BACE2: variants seen among roughly 807,000 people sequenced by gnomAD.
The protein encoded by BACE2 is 56 kDa aspartic-like protease.
Under a neutral mutation model 46.2 loss-of-function variants are expected in BACE2, and 17 were observed. The observed-to-expected ratio is 0.37, with a 90% CI of 0.25 to 0.55. The LOEUF (loss-of-function observed/expected upper bound fraction) is 0.55. Ranked by LOEUF, BACE2 falls within the 20% of genes least tolerant of loss-of-function variation. The probability of loss-of-function intolerance (pLI) is 0.82; values close to 1 mark genes in which losing one functional copy is unlikely to be tolerated. For synonymous variants in BACE2, 277 were observed against 295.9 expected, an observed-to-expected ratio of 0.94 and a Z score of 0.66; for missense variants, 595 against 698.1, an observed-to-expected ratio of 0.85 and a Z score of 1.66.
intron 8 of BACE2, among the ~76,000 whole-genome samples, chr21:41,273,357 G>T (rs988173544): frequency 6.6e-6 from 1 of 152,164 alleles, no homozygotes; most frequent in Non-Finnish European, 1.5e-5. Context: ...ATGGGAGACC[G>T]GGGCTTATTT....
Position 41,168,405 on chromosome 21 carries a change from G to A in BACE2, c.142G>A (p.Gly48Arg). The change falls in exon 1 of 9, where the codon GGA (glycine) becomes AGA (arginine). Residue 48 changes from glycine to arginine, a missense_variant. Around this residue, in one of 3 missense-constraint regions of BACE2, gnomAD observed 248 missense variants for 261.4 expected, o/e 0.95. Coordinates refer to ENST00000330333, the MANE Select transcript of BACE2 (RefSeq NM_012105.5). Reference protein sequence around the residue: ...ATNRVVAPTPGPGTPAERHAD... With the variant: ...ATNRVVAPTPRPGTPAERHAD... ...GAACCGCGTAGTTGCGCCCACCCCG[G>A]GACCCGGGACCCCTGCCGAGCGCCA... 1 of 1,411,928 alleles carries A rather than the reference G, an allele frequency of 7.1e-7. No homozygotes were observed. 87.5% of individuals were successfully genotyped at this position (1,411,928 alleles called of 1,614,324 possible).
chr21:41,221,174 A>T (rs1986634500), intron 1 of BACE2, among the ~76,000 whole-genome samples: 1 of 151,982 alleles, frequency 6.6e-6, no homozygotes, highest in Non-Finnish European at 1.5e-5. Flanking sequence ...ATTGGTCGGG[A>T]GGGAATTCTC....
intron 7 of BACE2, among the ~76,000 whole-genome samples, chr21:41,251,344 G>C (rs1041279542): frequency 6.6e-6 from 1 of 152,170 alleles, no homozygotes; most frequent in African/African-American, 2.4e-5. Context: ...CAAGCCCAAG[G>C]CTAGCCCAGA....
At chr21:41,168,668 C>T (rs898931492) in intron 1 of BACE2, 93 bp downstream of exon 1, 1 of 906,648 alleles carries the variant, frequency 1.1e-6, no homozygotes, top group Non-Finnish European at 1.4e-6. Context: ...GCGTCGCCCC[C>T]AAAGCAGCAG....
At position 41,241,958 on chromosome 21, in the gene BACE2, T is replaced by G. The variant is rs1165268532; in HGVS notation, c.747+11T>G. On this transcript the variant is annotated intron_variant, in intron 4 of 8. Coordinates refer to ENST00000330333, the MANE Select transcript of BACE2 (RefSeq NM_012105.5). ...AACGGAGGTAGTCTTGTGGGTATCT[T>G]TTAGTCTTAAAGGGGCGAAAAATCA... 2 of 1,613,750 alleles carry G rather than the reference T, an allele frequency of 1.2e-6. No individual in the cohort carries two copies. Among genetic ancestry groups the G allele is most frequent in the Non-Finnish European group, 1.7e-6 (2 of 1,179,946 alleles).
chr21:41,195,889 C>G (rs1985716374), intron 1 of BACE2, among the ~76,000 whole-genome samples: 1 of 152,142 alleles, frequency 6.6e-6, no homozygotes, highest in South Asian at 2.1e-4. Flanking sequence ...AGTTGTATGG[C>G]AAGAGAGGGT....
At chr21:41,231,845 C>T (rs1056531591) in intron 2 of BACE2, among the ~76,000 whole-genome samples, 4 of 151,996 alleles carry the variant, frequency 2.6e-5, no homozygotes, top group East Asian at 1.9e-4. Flanking sequence ...GCATTTTAGT[C>T]GCAAGAGGTG....
chr21:41,173,821 A>G (rs1862755773), intron 1 of BACE2, among the ~76,000 whole-genome samples: 1 of 152,216 alleles, frequency 6.6e-6, no homozygotes, highest in African/African-American at 2.4e-5. Flanking sequence ...ATAATATGAG[A>G]GAAATCCAAT....
At chr21:41,234,083 G>A (rs1873520009) in intron 2 of BACE2, among the ~76,000 whole-genome samples, 2 of 152,196 alleles carry the variant, frequency 1.3e-5, no homozygotes, top group Non-Finnish European at 2.9e-5. Flanking sequence ...CCCAGTGGGA[G>A]ATAATTGAAT....
intron 1 of BACE2, chr21:41,181,394 TAGA>T (rs1985117744): frequency 6.0e-6 from 1 of 167,146 alleles, no homozygotes; most frequent in South Asian, 2.1e-4. Context: ...CTTTGTTTTC[TAGA>T]AGAAGGTAGT....
chr21:41,189,485 ATCT>A (rs1396353028), intron 1 of BACE2, among the ~76,000 whole-genome samples: 1 of 152,132 alleles, frequency 6.6e-6, no homozygotes, highest in Non-Finnish European at 1.5e-5. Flanking sequence ...AAAGTTGCAC[ATCT>A]TCTTATATTT....
At position 41,168,522 on chromosome 21, in the gene BACE2, G is replaced by T; in HGVS notation, c.259G>T (p.Asp87Tyr). 2 of 1,353,794 alleles carry T rather than the reference G, an allele frequency of 1.5e-6. No individual in the cohort carries two copies. Among genetic ancestry groups the T allele is most frequent in the Non-Finnish European group, 9.6e-7 (1 of 1,045,554 alleles). The allele number at this position is 1,353,794 out of a possible 1,614,324, so 83.9% of individuals were successfully genotyped here. Residue 87 changes from aspartate (D) to tyrosine (Y), a missense_variant, in exon 1 of 9, where the codon GAC becomes TAC. Physicochemically the swap from Asp to Tyr is radical, Grantham distance 160. Around this residue, in one of 3 missense-constraint regions of BACE2, gnomAD observed 248 missense variants for 261.4 expected, o/e 0.95. Coordinates refer to ENST00000330333, the MANE Select transcript of BACE2 (RefSeq NM_012105.5). ...FLAMVDNLQG[D>Y]SGRGYYLEML... The stretch of plus-strand genomic sequence containing the variant: ...GGCCATGGTAGACAACCTGCAGGGG[G>T]ACTCTGGCCGCGGCTACTACCTGGA...
chr21:41,209,822 A>T (rs1986243068), intron 1 of BACE2, among the ~76,000 whole-genome samples: 1 of 152,202 alleles, frequency 6.6e-6, no homozygotes, highest in Non-Finnish European at 1.5e-5. Context: ...TAGGAAATGA[A>T]TGTGAAACTC....
intron 8 of BACE2, among the ~76,000 whole-genome samples, chr21:41,264,710 G>GT (rs1988024851): frequency 6.6e-6 from 1 of 152,052 alleles, no homozygotes; most frequent in Non-Finnish European, 1.5e-5. Flanking sequence ...CCATGATCCA[G>GT]TCACCTCCCA....
intron 8 of BACE2, among the ~76,000 whole-genome samples, chr21:41,270,541 T>C (rs915949594): frequency 6.4e-4 from 97 of 152,198 alleles, no homozygotes; most frequent in Non-Finnish European, 5.3e-4. Context: ...CACCGTCGCC[T>C]AAAGTGCTGG....
chr21:41,192,321 G>T (rs1223939118), intron 1 of BACE2, among the ~76,000 whole-genome samples: 1 of 152,202 alleles, frequency 6.6e-6, no homozygotes, highest in Non-Finnish European at 1.5e-5. Context: ...CAGGGCATTT[G>T]AACCACTTCC....
intron 1 of BACE2, chr21:41,176,853 A>T (rs1227088227): frequency 6.6e-6 from 1 of 152,252 alleles, no homozygotes; most frequent in Non-Finnish European, 1.5e-5. Flanking sequence ...AGTGAAAAAG[A>T]CATACAAAAT....
At chr21:41,216,976 G>A (rs1343809525) in intron 1 of BACE2, among the ~76,000 whole-genome samples, 2 of 152,156 alleles carry the variant, frequency 1.3e-5, no homozygotes, top group Non-Finnish European at 2.9e-5. Context: ...CTGTCACCCA[G>A]GCTGGAGCGC....
chr21:41,265,929 A>T (rs1043239787), intron 8 of BACE2, among the ~76,000 whole-genome samples: 1 of 152,204 alleles, frequency 6.6e-6, no homozygotes, highest in East Asian at 1.9e-4. Flanking sequence ...CTTGGCATAG[A>T]ATGTGTGGAT....
Sources: allele counts gnomAD v4.1 joint callset (sites outside exome capture counted in the v4.1 genomes callset), GRCh38; gene constraint gnomAD v4.1.1; regional missense constraint gnomAD v4.1.1; transcripts MANE v1.5; gene names NCBI Gene and HGNC (gene_info 2026-07-23, HGNC 2026-07-21).